Variants in ARHGAP44 observed in about 807,000 individuals in gnomAD.
The protein encoded by ARHGAP44 is Rho GTPase activating protein 44, also known as rho GTPase-activating protein 44.
ARHGAP44 carries 43 observed loss-of-function variants against 106.8 expected under a neutral mutation model. The observed-to-expected ratio is 0.40, with a 90% CI of 0.32 to 0.52. The LOEUF (loss-of-function observed/expected upper bound fraction) is 0.52, where lower values mean the gene tolerates loss of function less well. ARHGAP44 is among the 20% of genes least tolerant of loss of function. The pLI is 0.48. For synonymous variants in ARHGAP44, 439 were observed against 410.3 expected (o/e 1.07, Z -0.85); for missense variants, 866 against 1,050.5 (o/e 0.82, Z 2.43).
chr17:12,963,823 A>T (rs540972755), intron 16 of ARHGAP44, among the ~76,000 whole-genome samples: 1 of 147,476 alleles, frequency 6.8e-6, no homozygotes, highest in Admixed American at 6.7e-5. Flanking sequence ...GAACAAGCTT[A>T]AAAAAAAAAA....
intron 1 of ARHGAP44, among the ~76,000 whole-genome samples, chr17:12,854,914 T>C (rs1018694483): frequency 7.3e-6 from 1 of 137,310 alleles, no homozygotes; most frequent in Non-Finnish European, 1.5e-5. Flanking sequence ...GCCGAGATCA[T>C]GCCATTGTAC....
intron 1 of ARHGAP44, among the ~76,000 whole-genome samples, chr17:12,888,897 A>G (rs917874307): frequency 1.3e-5 from 2 of 152,162 alleles, no homozygotes; most frequent in African/African-American, 2.4e-5. Flanking sequence ...TGACATTAAT[A>G]TAGATACTTC....
In ARHGAP44 at chr17:12,870,816, A is replaced by G. The variant is rs146562328; in HGVS notation, c.54-24124A>G. Among the ~76,000 whole-genome samples, 19 of 152,206 alleles carry G rather than the reference A, an allele frequency of 1.2e-4. No individual in the cohort carries two copies. The East Asian group carries it at 2.1e-3, about 17-fold the overall frequency. The stretch of plus-strand genomic sequence containing the variant: ...CCATACCCATTTTTAAAATTGTTAT[A>G]TTACCTTTTTACTTATATTTAAAAC... On this transcript the variant is annotated intron_variant, in intron 1 of 20. Coordinates refer to ENST00000379672, the MANE Select transcript of ARHGAP44 (RefSeq NM_014859.6).
chr17:12,797,497 A>G (rs1238896512), intron 1 of ARHGAP44, among the ~76,000 whole-genome samples: 1 of 152,170 alleles, frequency 6.6e-6, no homozygotes. Flanking sequence ...CAGGAATTTA[A>G]GACGGGCTCA....
chr17:12,792,785 G>A (rs1488371872), intron 1 of ARHGAP44, among the ~76,000 whole-genome samples: 1 of 152,176 alleles, frequency 6.6e-6, no homozygotes, highest in African/African-American at 2.4e-5. Context: ...TTTTAACAAT[G>A]TAGGAGTTGC....
chr17:12,977,262 T>G (rs9909025), intron 18 of ARHGAP44, among the ~76,000 whole-genome samples: 1 of 152,070 alleles, frequency 6.6e-6, no homozygotes, highest in Non-Finnish European at 1.5e-5. Context: ...CCGCATGGGT[T>G]TCTCCCAGTA....
At chr17:12,873,295 G>T (rs2036454687) in intron 1 of ARHGAP44, among the ~76,000 whole-genome samples, 1 of 152,180 alleles carries the variant, frequency 6.6e-6, no homozygotes, top group African/African-American at 2.4e-5. Context: ...CTATGTGGCA[G>T]ATCTTACCCA....
At chr17:12,925,336 C>G (rs926130771) in intron 6 of ARHGAP44, among the ~76,000 whole-genome samples, 7 of 152,166 alleles carry the variant, frequency 4.6e-5, no homozygotes, top group African/African-American at 1.4e-4. Context: ...CTGCCTGGGT[C>G]ATGCAGAACC....
At chr17:12,970,365 C>CAAAAAAAAAAAA (rs66577680) in intron 16 of ARHGAP44, among the ~76,000 whole-genome samples, 2 of 55,174 alleles carry the variant, frequency 3.6e-5, no homozygotes, top group Admixed American at 1.8e-4. Flanking sequence ...GACCCTGTCT[C>CAAAAAAAAAAAA]AAAAAAAAAA....
At chr17:12,963,316 C>A (rs998477034) in intron 16 of ARHGAP44, among the ~76,000 whole-genome samples, 3 of 152,068 alleles carry the variant, frequency 2.0e-5, no homozygotes, top group Admixed American at 2.0e-4. Flanking sequence ...GAGGCCAGGT[C>A]AGAAGAAGCC....
chr17:12,940,689 C>T (rs570596583), intron 7 of ARHGAP44, among the ~76,000 whole-genome samples: 4 of 152,274 alleles, frequency 2.6e-5, no homozygotes, highest in African/African-American at 9.6e-5. Flanking sequence ...GAAGAAATGG[C>T]ATTATCAAAA....
chr17:12,969,744 G>A (rs747847337), intron 16 of ARHGAP44, among the ~76,000 whole-genome samples: 1 of 152,158 alleles, frequency 6.6e-6, no homozygotes, highest in Non-Finnish European at 1.5e-5. Context: ...ACAACCCACT[G>A]TATGACCGCT....
intron 14 of ARHGAP44, 87 bp downstream of exon 14, chr17:12,956,067 G>C: frequency 1.1e-6 from 1 of 893,704 alleles, no homozygotes; most frequent in Non-Finnish European, 1.8e-6. Flanking sequence ...GGGCCTAGCT[G>C]AGCACCAGCC....
intron 1 of ARHGAP44, among the ~76,000 whole-genome samples, chr17:12,846,139 A>G (rs1395807173): frequency 6.6e-6 from 1 of 152,162 alleles, no homozygotes; most frequent in African/African-American, 2.4e-5. Flanking sequence ...AAATTTAAGT[A>G]TATTCGAGGG....
At chr17:12,824,939 G>C (rs1597894966) in intron 1 of ARHGAP44, among the ~76,000 whole-genome samples, 2 of 151,712 alleles carry the variant, frequency 1.3e-5, no homozygotes, top group African/African-American at 4.8e-5. Context: ...CCCCAGTTTA[G>C]GTCAAATTCT....
Position 12,984,924 on chromosome 17 carries a change from G to A in ARHGAP44, c.2317+16G>A. ...ATGTCTACAGGTAACCAAGCCACAG[G>A]CTCCCTCACTTTTTTTTATGAACTT... On this transcript the variant is annotated intron_variant, in intron 20 of 20. Coordinates refer to ENST00000379672, the MANE Select transcript of ARHGAP44 (RefSeq NM_014859.6). The A allele has an allele frequency of 6.3e-7, 1 of 1,580,844 alleles. No homozygotes were observed. The highest frequency in any genetic ancestry group is 8.6e-7 in the Non-Finnish European group (1 of 1,161,804).
chr17:12,875,073 C>T (rs1325186768), intron 1 of ARHGAP44, among the ~76,000 whole-genome samples: 1 of 152,172 alleles, frequency 6.6e-6, no homozygotes, highest in African/African-American at 2.4e-5. Flanking sequence ...ACTCCACACA[C>T]CAGTGGTTCT....
In ARHGAP44 at chr17:12,927,761, C is replaced by T. The variant is rs151283581; in HGVS notation, c.465-1168C>T. Among the ~76,000 whole-genome samples, 1,230 of 152,234 alleles carry T rather than the reference C, an allele frequency of 8.1e-3. 8 individuals are homozygous for T. The highest frequency in any genetic ancestry group is 0.024 in the Middle Eastern group (7 of 294). On this transcript the variant is annotated intron_variant, in intron 6 of 20. Coordinates refer to ENST00000379672, the MANE Select transcript of ARHGAP44 (RefSeq NM_014859.6). ...CCAAGTTCCCAGCTCCCCCTGCTCC[C>T]GCCTGACTTCCCAAGACTAAAGCCA... is the stretch of plus-strand genomic sequence containing the variant.
chr17:12,914,949 A>G (rs1482117122), intron 4 of ARHGAP44, among the ~76,000 whole-genome samples: 1 of 152,236 alleles, frequency 6.6e-6, no homozygotes, highest in African/African-American at 2.4e-5. Context: ...TAGAGTAAAA[A>G]TGTGAAAATC....
Sources: gnomAD v4.1 joint callset for allele counts (sites outside exome capture counted in the v4.1 genomes callset) on GRCh38, gnomAD v4.1.1 for gene constraint, MANE v1.5 for transcripts, NCBI Gene and HGNC (gene_info 2026-07-23, HGNC 2026-07-21) for gene names.